The following REEP5 variants were observed in gnomAD, a reference collection of about 807,000 sequenced individuals.
The protein encoded by REEP5 is receptor accessory protein 5.
In REEP5, 24 loss-of-function variants were observed where a neutral mutation model predicts 22.4. That is an observed-to-expected ratio of 1.07 (90% CI 0.78 to 1.51). The LOEUF (loss-of-function observed/expected upper bound fraction) is 1.51. REEP5 is among the 40% of genes most tolerant of loss of function. The pLI, the probability that REEP5 is intolerant of heterozygous loss-of-function variation, is 0.00. For missense variants in REEP5, 252 were observed against 233.0 expected, an observed-to-expected ratio of 1.08 and a Z score of -0.53; for synonymous variants, 103 against 88.6, an observed-to-expected ratio of 1.16 and a Z score of -0.92.
chr5:112,911,643 C>G (rs1443667244), intron 2 of REEP5, among the ~76,000 whole-genome samples: 3 of 152,174 alleles, frequency 2.0e-5, no homozygotes, highest in South Asian at 2.1e-4. Flanking sequence ...AACTGTACAA[C>G]CTTTTTATAT....
At chr5:112,893,492 TAATCTCCA>T in intron 3 of REEP5, 2 of 157,018 alleles carry the variant, frequency 1.3e-5, no homozygotes, top group Non-Finnish European at 2.8e-5. Context: ...TTCACTGCCA[TAATCTCCA>T]TGTTATGATT....
rs753894125 is a variant in REEP5 at position 112,921,209 on chromosome 5, A to G, written c.166T>C (p.Ser56Pro). The G allele has an allele frequency of 3.1e-6, 5 of 1,614,076 alleles. No homozygotes were observed. The highest frequency in any genetic ancestry group is 2.5e-6 in the Non-Finnish European group (3 of 1,180,014). Reference sequence around the variant, plus strand: ...AATCCTATCAGGTTGCAGAGGAGAGAGGCTCCATAACCGAACACCAGGTAC... The same window carrying G: ...AATCCTATCAGGTTGCAGAGGAGAGGGGCTCCATAACCGAACACCAGGTAC... The part of the protein sequence containing the change: ...ALYLVFGYGA[S>P]LLCNLIGFGY... The change falls in exon 2 of 5, where the codon TCT becomes CCT. Residue 56 changes from serine (S) to proline (P), a missense_variant. Transcript: ENST00000379638.
intron 4 of REEP5, chr5:112,885,831 C>A: frequency 4.9e-6 from 1 of 202,580 alleles, no homozygotes. Context: ...AAGGAAGCAC[C>A]TCTCAGCCTT....
chr5:112,905,559 A>C (rs1039713169), intron 2 of REEP5, among the ~76,000 whole-genome samples: 9 of 151,536 alleles, frequency 5.9e-5, no homozygotes, highest in Non-Finnish European at 1.0e-4. Context: ...AACAAAACAA[A>C]AAAAAAACAA....
At chr5:112,921,336 C>T in intron 1 of REEP5, 80 bp from the exon 2 acceptor site, 2 of 1,356,444 alleles carry the variant, frequency 1.5e-6, no homozygotes, top group African/African-American at 1.4e-5. Flanking sequence ...CACCGCGAGG[C>T]TGGGCCTGTT....
At chr5:112,900,748 C>G (rs1768821276) in intron 3 of REEP5, among the ~76,000 whole-genome samples, 1 of 152,152 alleles carries the variant, frequency 6.6e-6, no homozygotes, top group Non-Finnish European at 1.5e-5. Flanking sequence ...GGACTGGGGC[C>G]CCCTCCATTC....
At chr5:112,918,036 A>T (rs936493074) in intron 2 of REEP5, among the ~76,000 whole-genome samples, 32 of 152,348 alleles carry the variant, frequency 2.1e-4, no homozygotes, top group Middle Eastern at 3.4e-3. Context: ...CTTTATAATA[A>T]ACATTTCCAG....
intron 3 of REEP5, chr5:112,892,102 A>G (rs712665): frequency 0.35 from 562,669 of 1,613,054 alleles, 103,085 homozygotes; most frequent in African/African-American, 0.63. Flanking sequence ...TTTAGAAAAT[A>G]GTACCACATG....
At chr5:112,890,586 C>T (rs1164062722) in intron 3 of REEP5, among the ~76,000 whole-genome samples, 1 of 150,144 alleles carries the variant, frequency 6.7e-6, no homozygotes, top group Non-Finnish European at 1.5e-5. Flanking sequence ...CCATGTTGGC[C>T]GGGCTGGTCT....
intron 4 of REEP5, among the ~76,000 whole-genome samples, chr5:112,886,565 G>T (rs1319650594): frequency 6.6e-6 from 1 of 152,252 alleles, no homozygotes; most frequent in African/African-American, 2.4e-5. Flanking sequence ...TAAAGATCAA[G>T]AATTTTTTGT....
At chr5:112,892,109 C>T (rs1251104998) in intron 3 of REEP5, 2 of 1,613,944 alleles carry the variant, frequency 1.2e-6, no homozygotes, top group South Asian at 2.2e-5. Context: ...AATAGTACCA[C>T]ATGGCAAAAC....
chr5:112,884,929 G>A (rs376068855), intron 4 of REEP5, among the ~76,000 whole-genome samples: 19 of 151,982 alleles, frequency 1.3e-4, no homozygotes, highest in African/African-American at 4.6e-4. Flanking sequence ...CTGGTTCACT[G>A]CCAGTGTTAT....
chr5:112,902,217 TG>T (rs141436136), intron 3 of REEP5, among the ~76,000 whole-genome samples, 162 bp downstream of exon 3: 83,416 of 146,686 alleles, frequency 0.57, 24,784 homozygotes, highest in African/African-American at 0.8. Context: ...AGCATTTTTT[TG>T]TTTTTGTTTT....
chr5:112,911,529 G>A (rs1206056730), intron 2 of REEP5, among the ~76,000 whole-genome samples: 9 of 152,172 alleles, frequency 5.9e-5, no homozygotes, highest in African/African-American at 2.2e-4. Flanking sequence ...AATTATTTCA[G>A]ACACAATAAA....
chr5:112,896,839 G>C (rs781523341), intron 3 of REEP5: 6 of 152,168 alleles, frequency 3.9e-5, no homozygotes, highest in Admixed American at 2.0e-4. Flanking sequence ...GCTGAGACAG[G>C]AGAATCACTT....
chr5:112,878,626 TA>T lies in REEP5; in HGVS notation c.*159del. 9.3e-7 allele frequency: 1 copy of T among 1,079,700 alleles called. No homozygotes were observed. The highest frequency in any genetic ancestry group is 1.3e-6 in the Non-Finnish European group (1 of 761,242). The allele number at this position is 1,079,700 out of a possible 1,614,324, so 66.9% of individuals were successfully genotyped here. On this transcript the variant is annotated 3_prime_UTR_variant, in exon 5 of 5. Coordinates refer to ENST00000379638, the MANE Select transcript of REEP5 (RefSeq NM_005669.5). ...AAGTGCTCCCTATATATATAGACAG[TA>T]AAAGTAAGCAAAGAAACTTACAACA...
chr5:112,880,146 C>T (rs564858619), intron 4 of REEP5, among the ~76,000 whole-genome samples: 1 of 152,178 alleles, frequency 6.6e-6, no homozygotes, highest in African/African-American at 2.4e-5. Flanking sequence ...TGTGGTGGCT[C>T]ATGTCTATAA....
intron 1 of REEP5, chr5:112,921,817 G>A: frequency 2.6e-6 from 1 of 380,716 alleles, no homozygotes. Context: ...ACATACGTCA[G>A]CGCTGGCCCT....
At chr5:112,918,143 G>A (rs552371296) in intron 2 of REEP5, among the ~76,000 whole-genome samples, 18 of 152,250 alleles carry the variant, frequency 1.2e-4, no homozygotes, top group East Asian at 7.7e-4. Context: ...ATTAGATTCC[G>A]AATTGCCTAT....
Sources: gnomAD v4.1 joint callset for allele counts (sites outside exome capture counted in the v4.1 genomes callset) on GRCh38, gnomAD v4.1.1 for gene constraint, MANE v1.5 for transcripts, NCBI Gene and HGNC (gene_info 2026-07-23, HGNC 2026-07-21) for gene names.